The following PPFIA2 variants were observed in gnomAD, a reference collection of about 807,000 sequenced individuals.
PPFIA2 encodes PPFI scaffold protein A2, also known as liprin-alpha-2.
A neutral mutation model predicts 175.5 loss-of-function variants in PPFIA2; 46 were observed. The ratio of observed to expected loss-of-function variants is 0.26; its 90% CI spans 0.21 to 0.34. The LOEUF is 0.34. Among genes scored for constraint, PPFIA2 ranks in the 10% least tolerant of loss-of-function variants. The pLI, the probability that PPFIA2 is intolerant of heterozygous loss-of-function variation, is 1.00. For synonymous variants in PPFIA2, 568 were observed against 511.4 expected, an observed-to-expected ratio of 1.11 and a Z score of -1.49; for missense variants, 1,179 against 1,506.1, an observed-to-expected ratio of 0.78 and a Z score of 3.60.
Position 81,601,910 on chromosome 12 carries a change from T to C in PPFIA2, c.303+74881A>G, listed in dbSNP as rs908869284. On this transcript the variant is annotated intron_variant, in intron 4 of 32. Coordinates refer to ENST00000549396, the MANE Select transcript of PPFIA2 (RefSeq NM_003625.5). ...AGATGATCTAGCAATTTAATGCCCA[T>C]CTTCTATTAAAAACCTCAAGAGCTC... 1.3e-5 allele frequency among the ~76,000 whole-genome samples: 2 copies of C among 151,898 alleles called. 1 individual carries two copies. The highest frequency in any genetic ancestry group is 3.9e-4 in the East Asian group (2 of 5,192).
At chr12:81,563,802 G>C (rs540646683) in intron 4 of PPFIA2, among the ~76,000 whole-genome samples, 21 of 152,256 alleles carry the variant, frequency 1.4e-4, no homozygotes, top group African/African-American at 4.8e-4. Flanking sequence ...CATGCAGCAG[G>C]CATCATTACA....
At chr12:81,513,146 A>G (rs2061995335) in intron 4 of PPFIA2, among the ~76,000 whole-genome samples, 1 of 152,156 alleles carries the variant, frequency 6.6e-6, no homozygotes, top group African/African-American at 2.4e-5. Flanking sequence ...AAACATGGAA[A>G]AATGCTCAAC....
Position 81,759,311 on chromosome 12 carries a change from C to A in PPFIA2, c.-142G>T, listed in dbSNP as rs11115002. On this transcript the variant is annotated 5_prime_UTR_variant, in exon 1 of 33. Coordinates refer to ENST00000549396, the MANE Select transcript of PPFIA2 (RefSeq NM_003625.5). Reference sequence around the variant, plus strand: ...GCAGCCGGTGAGGACGCTACAGCATCTTCTCTCCTCACTTGCCTCGTGCGG... The same window carrying A: ...GCAGCCGGTGAGGACGCTACAGCATATTCTCTCCTCACTTGCCTCGTGCGG... 6.6e-6 allele frequency: 1 copy of A among 151,826 alleles called. No individual in the cohort carries two copies. The highest frequency in any genetic ancestry group is 6.6e-5 in the Admixed American group (1 of 15,236). The allele number at this position is 151,826 out of a possible 1,614,324, so 9.4% of individuals were successfully genotyped here.
intron 18 of PPFIA2, among the ~76,000 whole-genome samples, chr12:81,346,007 T>C (rs897251631): frequency 5.3e-5 from 8 of 152,132 alleles, no homozygotes; most frequent in Admixed American, 5.2e-4. Context: ...GTTTTGGAAA[T>C]GAGCAGAAAA....
At chr12:81,697,467 A>C (rs999086346) in intron 3 of PPFIA2, among the ~76,000 whole-genome samples, 4 of 152,078 alleles carry the variant, frequency 2.6e-5, no homozygotes, top group Non-Finnish European at 5.9e-5. Context: ...ATGGAAATTA[A>C]GTAAGTCACA....
intron 4 of PPFIA2, among the ~76,000 whole-genome samples, chr12:81,645,065 C>T (rs2153522941): frequency 6.6e-6 from 1 of 151,824 alleles, no homozygotes; most frequent in East Asian, 1.9e-4. Context: ...CATAGAAATA[C>T]TATATTTAAA....
chr12:81,715,501 T>C (rs1227345129), intron 3 of PPFIA2, among the ~76,000 whole-genome samples: 1 of 151,700 alleles, frequency 6.6e-6, no homozygotes, highest in Non-Finnish European at 1.5e-5. Context: ...CTACTGGATA[T>C]GAGCAGGTTA....
At position 81,272,014 on chromosome 12, in the gene PPFIA2, A is replaced by C. The variant is rs541303170; in HGVS notation, c.3311-3927T>G. 3.3e-5 allele frequency among the ~76,000 whole-genome samples: 5 copies of C among 152,242 alleles called. No individual in the cohort carries two copies. The East Asian group carries it at 5.8e-4, about 18-fold the overall frequency. On this transcript the variant is annotated intron_variant, in intron 28 of 32. Transcript: ENST00000549396. ...TGATGGACATACTTCAAAGTAAGTT[A>C]GTTTGATTCAGCATTTTAAGGTAAT...
chr12:81,708,371 G>C (rs1361447681), intron 3 of PPFIA2, among the ~76,000 whole-genome samples: 2 of 151,990 alleles, frequency 1.3e-5, no homozygotes, highest in Non-Finnish European at 2.9e-5. Context: ...TAAAGATATG[G>C]AGACTCATCC....
intron 27 of PPFIA2, among the ~76,000 whole-genome samples, chr12:81,278,845 G>A (rs970655212): frequency 1.3e-5 from 2 of 152,142 alleles, no homozygotes; most frequent in African/African-American, 4.8e-5. Flanking sequence ...AGGAATATAA[G>A]CAAATTTAGA....
At chr12:81,535,329 A>G (rs1594639357) in intron 4 of PPFIA2, 17 of 450,860 alleles carry the variant, frequency 3.8e-5, no homozygotes, top group South Asian at 2.5e-4. Context: ...AGGGTTCCGG[A>G]GTTTGGGAAC....
At chr12:81,712,430 T>G (rs564317657) in intron 3 of PPFIA2, among the ~76,000 whole-genome samples, 2 of 151,448 alleles carry the variant, frequency 1.3e-5, no homozygotes, top group East Asian at 2.0e-4. Context: ...ATCCCTTAAT[T>G]GCAAATGTGA....
intron 22 of PPFIA2, among the ~76,000 whole-genome samples, chr12:81,323,569 T>A (rs1169581828): frequency 1.3e-5 from 2 of 151,950 alleles, no homozygotes; most frequent in Non-Finnish European, 1.5e-5. Flanking sequence ...ACGGTTTCTT[T>A]AAAAAGAAAG....
chr12:81,510,746 G>A (rs1016732737), intron 4 of PPFIA2, among the ~76,000 whole-genome samples: 1 of 151,976 alleles, frequency 6.6e-6, no homozygotes, highest in Non-Finnish European at 1.5e-5. Flanking sequence ...AATTAATATA[G>A]TGATGTACTA....
At chr12:81,594,889 G>C (rs2059077706) in intron 4 of PPFIA2, among the ~76,000 whole-genome samples, 1 of 151,962 alleles carries the variant, frequency 6.6e-6, no homozygotes, top group African/African-American at 2.4e-5. Flanking sequence ...CTCCAGCCTG[G>C]GCAACAGAGC....
At chr12:81,642,678 T>TA (rs58363819) in intron 4 of PPFIA2, among the ~76,000 whole-genome samples, 1 of 126,246 alleles carries the variant, frequency 7.9e-6, no homozygotes, top group Admixed American at 8.6e-5. Context: ...CATACATGTA[T>TA]GTATCTATTA....
At chr12:81,341,020 A>G in intron 20 of PPFIA2, 58 bp downstream of exon 20, 3 of 1,474,566 alleles carry the variant, frequency 2.0e-6, no homozygotes, top group Non-Finnish European at 2.8e-6. Flanking sequence ...ACAACGAAGG[A>G]AGAGGAATAT....
At chr12:81,521,884 A>G (rs2063197731) in intron 4 of PPFIA2, among the ~76,000 whole-genome samples, 3 of 152,088 alleles carry the variant, frequency 2.0e-5, no homozygotes, top group Admixed American at 2.0e-4. Context: ...TTATGAAACT[A>G]AATTGCATCC....
At chr12:81,427,958 A>T (rs1357557364) in intron 7 of PPFIA2, among the ~76,000 whole-genome samples, 2 of 151,986 alleles carry the variant, frequency 1.3e-5, no homozygotes, top group Non-Finnish European at 2.9e-5. Flanking sequence ...TCAATCTTGA[A>T]TCTTCTGACT....
Sources: allele counts gnomAD v4.1 joint callset (sites outside exome capture counted in the v4.1 genomes callset), GRCh38; gene constraint gnomAD v4.1.1; transcripts MANE v1.5; gene names NCBI Gene and HGNC (gene_info 2026-07-23, HGNC 2026-07-21).